Variants in NEMF observed in about 807,000 individuals in gnomAD.
NEMF encodes ribosome quality control complex subunit NEMF.
A neutral mutation model predicts 162.2 loss-of-function variants in NEMF; 89 were observed. The observed-to-expected ratio is 0.55, with a 90% CI of 0.46 to 0.65. The LOEUF is 0.65. Ranked by LOEUF, NEMF falls within the 30% of genes least tolerant of loss-of-function variation. NEMF has a pLI of 0.00. For synonymous variants in NEMF, 421 were observed against 404.5 expected (o/e 1.04, Z -0.49); for missense variants, 1,133 against 1,261.9 (o/e 0.90, Z 1.55).
chr14:49,837,545 C>T (rs932396798), intron 6 of NEMF, among the ~76,000 whole-genome samples: 1 of 151,992 alleles, frequency 6.6e-6, no homozygotes, highest in Non-Finnish European at 1.5e-5. Flanking sequence ...CAGGGAGACA[C>T]TGGCTTAAAC....
intron 18 of NEMF, among the ~76,000 whole-genome samples, chr14:49,807,587 T>G (rs1891277687): frequency 6.6e-6 from 1 of 151,246 alleles, no homozygotes; most frequent in South Asian, 2.1e-4. Flanking sequence ...AAGTGGTATC[T>G]TGTGATTTTT....
chr14:49,825,678 G>C (rs184819442), intron 16 of NEMF, among the ~76,000 whole-genome samples, 189 bp downstream of exon 16: 1 of 152,362 alleles, frequency 6.6e-6, no homozygotes, highest in East Asian at 1.9e-4. Flanking sequence ...CAATGCTACA[G>C]TGAGCCATGT....
intron 16 of NEMF, among the ~76,000 whole-genome samples, chr14:49,822,889 C>T (rs1463904653): frequency 2.0e-5 from 3 of 150,174 alleles, no homozygotes; most frequent in Non-Finnish European, 4.4e-5. Flanking sequence ...ATGACCTTAA[C>T]TTTTTGTTCT....
At chr14:49,850,342 C>T (rs113847184) in intron 3 of NEMF, among the ~76,000 whole-genome samples, 1,535 of 152,258 alleles carry the variant, frequency 0.01, 28 homozygotes, top group African/African-American at 0.035. Flanking sequence ...CCTGCCTCAG[C>T]CTCCCAAAGT....
At chr14:49,828,904 TG>T (rs1892502451) in intron 13 of NEMF, 97 bp from the exon 14 acceptor site, 2 of 1,276,988 alleles carry the variant, frequency 1.6e-6, no homozygotes, top group Admixed American at 2.8e-5. Flanking sequence ...TTTACAGTAC[TG>T]GAAGTTTCAT....
At chr14:49,803,064 T>C (rs969163461) in intron 20 of NEMF, among the ~76,000 whole-genome samples, 173 bp downstream of exon 20, 2 of 152,198 alleles carry the variant, frequency 1.3e-5, no homozygotes, top group East Asian at 3.8e-4. Flanking sequence ...GAAGAAGATA[T>C]GACAAACACT....
chr14:49,784,012 C>T lies in NEMF; in HGVS notation c.*624G>A, dbSNP rs1890040817. 6.6e-6 allele frequency: 1 copy of T among 151,878 alleles called. No homozygotes were observed. Among genetic ancestry groups the T allele is most frequent in the Non-Finnish European group, 1.5e-5 (1 of 67,946 alleles). The allele number at this position is 151,878 out of a possible 1,614,324, so 9.4% of individuals were successfully genotyped here. ...AGACTTACCAAGTCAATAGTTTAAG[C>T]AATCAAGCCACTTCACTGTTCAGTT... On this transcript the variant is annotated 3_prime_UTR_variant, in exon 33 of 33. Coordinates refer to ENST00000298310, the MANE Select transcript of NEMF (RefSeq NM_004713.6).
rs1890664630 is a variant in NEMF at position 49,795,790 on chromosome 14, C to T, written c.2619+1G>A. 1.9e-6 allele frequency: 3 copies of T among 1,607,420 alleles called. No homozygotes were observed. The highest frequency in any genetic ancestry group is 2.5e-6 in the Non-Finnish European group (3 of 1,178,508). On this transcript the variant is annotated splice_donor_variant, in intron 26 of 32. Transcript: ENST00000298310. LOFTEE classifies it high-confidence loss of function. ...ACCATATAGATCATCCTGAAGTTTACCTTTTGTCCTCGTTTCATTGGCTGC... is the reference window on the plus strand; with the variant it reads ...ACCATATAGATCATCCTGAAGTTTATCTTTTGTCCTCGTTTCATTGGCTGC...
intron 8 of NEMF, among the ~76,000 whole-genome samples, chr14:49,833,086 T>C (rs1195657792): frequency 5.9e-5 from 9 of 152,046 alleles, no homozygotes; most frequent in Admixed American, 1.3e-4. Flanking sequence ...GCCAACACGG[T>C]GAAACCTCAT....
intron 18 of NEMF, among the ~76,000 whole-genome samples, chr14:49,811,812 T>C (rs1302596902): frequency 6.6e-6 from 1 of 152,220 alleles, no homozygotes; most frequent in African/African-American, 2.4e-5. Flanking sequence ...TATATAGTCA[T>C]TTTAATATGC....
At chr14:49,808,930 A>C (rs1891345363) in intron 18 of NEMF, among the ~76,000 whole-genome samples, 1 of 152,210 alleles carries the variant, frequency 6.6e-6, no homozygotes, top group Non-Finnish European at 1.5e-5. Context: ...ATATGAAAAG[A>C]TGCTCTGCAT....
intron 4 of NEMF, among the ~76,000 whole-genome samples, chr14:49,841,998 A>G (rs1260281941): frequency 6.6e-5 from 10 of 151,716 alleles, no homozygotes; most frequent in Non-Finnish European, 1.0e-4. Flanking sequence ...CCAGCTACTC[A>G]GGAGGCTGAG....
chr14:49,790,903 G>A (rs1052395314), intron 26 of NEMF, among the ~76,000 whole-genome samples: 1 of 152,162 alleles, frequency 6.6e-6, no homozygotes, highest in Non-Finnish European at 1.5e-5. Context: ...TGAGGTAGGA[G>A]AATCGCTTGA....
chr14:49,799,534 C>CA lies in NEMF; in HGVS notation c.2416-11dup, dbSNP rs1159949243. 3.0e-5 allele frequency: 48 copies of CA among 1,608,034 alleles called. No individual in the cohort carries two copies. Among genetic ancestry groups the CA allele is most frequent in the Non-Finnish European group, 3.6e-5 (42 of 1,178,460 alleles). ...GTGATTTACTGTCACTCTATTAAAA[C>CA]AAAAAAACAGGCAAATGCAAATATC... On this transcript the variant is annotated splice_polypyrimidine_tract_variant and intron_variant, in intron 24 of 32. Coordinates refer to ENST00000298310, the MANE Select transcript of NEMF (RefSeq NM_004713.6).
chr14:49,803,092 GCA>G, intron 20 of NEMF, 143 bp downstream of exon 20: 1 of 626,774 alleles, frequency 1.6e-6, no homozygotes, highest in Non-Finnish European at 2.7e-6. Flanking sequence ...TCACACCAAG[GCA>G]AAAATTTCTT....
intron 4 of NEMF, among the ~76,000 whole-genome samples, chr14:49,841,429 T>C (rs1893201188): frequency 1.3e-5 from 2 of 149,290 alleles, no homozygotes; most frequent in South Asian, 2.1e-4. Context: ...ACAAAATTAG[T>C]TGGGCGTGGT....
chr14:49,825,962 A>G lies in NEMF; in HGVS notation c.1489-7T>C. ...TTTCTGCTGACTTGAATGCCTATTTATAGAAAAGAGTTTTAAAAACAATTT... is the reference window on the plus strand; with the variant it reads ...TTTCTGCTGACTTGAATGCCTATTTGTAGAAAAGAGTTTTAAAAACAATTT... On this transcript the variant is annotated splice_region_variant and splice_polypyrimidine_tract_variant and intron_variant, in intron 15 of 32. Transcript: ENST00000298310. 6.3e-7 allele frequency: 1 copy of G among 1,577,240 alleles called. No individual in the cohort carries two copies. Among genetic ancestry groups the G allele is most frequent in the South Asian group, 1.1e-5 (1 of 88,012 alleles).
In NEMF at chr14:49,845,966, T is replaced by A. The variant is rs186458022; in HGVS notation, c.357+174A>T. The A allele has an allele frequency of 1.7e-3, 963 of 564,974 alleles. 4 individuals are homozygous for A. Among genetic ancestry groups the A allele is most frequent in the African/African-American group, 0.017 (879 of 53,040 alleles). The allele number at this position is 564,974 out of a possible 1,614,324, so 35.0% of individuals were successfully genotyped here. ...GTCTGCCTAAACTCAGACCTACAGATAAAATGAAGGTTATTACTGGAAAAT... is the reference window on the plus strand; with the variant it reads ...GTCTGCCTAAACTCAGACCTACAGAAAAAATGAAGGTTATTACTGGAAAAT... On this transcript the variant is annotated intron_variant, in intron 4 of 32. Transcript: ENST00000298310.
At chr14:49,817,668 A>G (rs1891784296) in intron 16 of NEMF, among the ~76,000 whole-genome samples, 1 of 152,214 alleles carries the variant, frequency 6.6e-6, no homozygotes, top group African/African-American at 2.4e-5. Flanking sequence ...CAGAAGTAAA[A>G]GGAGAAATGG....
Sources: allele counts gnomAD v4.1 joint callset (sites outside exome capture counted in the v4.1 genomes callset), GRCh38; gene constraint gnomAD v4.1.1; transcripts MANE v1.5; gene names NCBI Gene and HGNC (gene_info 2026-07-23, HGNC 2026-07-21).